The following CCDC171 variants were observed in gnomAD, a reference collection of about 807,000 sequenced individuals.
CCDC171 encodes the protein coiled-coil domain-containing protein 171.
Under a neutral mutation model 168.2 loss-of-function variants are expected in CCDC171, and 177 were observed. The ratio of observed to expected loss-of-function variants is 1.05; its 90% CI spans 0.93 to 1.19. CCDC171 has a LOEUF of 1.19. Among genes scored for constraint, CCDC171 ranks in the 50% most tolerant of loss-of-function variants. The pLI is 0.00. For missense variants in CCDC171, 1,991 were observed against 1,539.0 expected (o/e 1.29, Z -4.91); for synonymous variants, 687 against 540.8 (o/e 1.27, Z -3.75).
chr9:15,989,095 T>C (rs2132899553), intron 3 of CCDC171, among the ~76,000 whole-genome samples: 1 of 152,268 alleles, frequency 6.6e-6, no homozygotes, highest in African/African-American at 2.4e-5. Context: ...TCTCCCAGCA[T>C]GGAGTTTGAG....
intron 3 of CCDC171, among the ~76,000 whole-genome samples, chr9:15,994,164 T>A (rs1372019797): frequency 6.6e-6 from 1 of 152,080 alleles, no homozygotes; most frequent in Admixed American, 6.5e-5. Context: ...ATAATCGCAA[T>A]AGCAAAGACT....
the CCDC171 span, among the ~76,000 whole-genome samples, chr9:16,079,595 G>A: frequency 2.6e-5 from 4 of 152,198 alleles, no homozygotes; most frequent in Admixed American, 1.3e-4. Context: ...ACCAGAAGCC[G>A]GGAGAGAGGC....
At chr9:15,864,832 A>C (rs1032594676) in intron 23 of CCDC171, among the ~76,000 whole-genome samples, 1 of 152,070 alleles carries the variant, frequency 6.6e-6, no homozygotes, top group Non-Finnish European at 1.5e-5. Flanking sequence ...GGTAAAATTG[A>C]AATGTGAAGA....
intron 11 of CCDC171, among the ~76,000 whole-genome samples, chr9:15,709,727 T>C (rs1268046639): frequency 6.6e-6 from 1 of 152,148 alleles, no homozygotes; most frequent in Non-Finnish European, 1.5e-5. Flanking sequence ...ATATGTATAA[T>C]GAACATGTTT....
intron 24 of CCDC171, among the ~76,000 whole-genome samples, chr9:15,912,157 G>A (rs1823757339): frequency 6.6e-6 from 1 of 152,110 alleles, no homozygotes; most frequent in African/African-American, 2.4e-5. Context: ...CCATTTTCAT[G>A]GTATTGATTC....
At chr9:15,697,410 C>G (rs376182304) in intron 11 of CCDC171, among the ~76,000 whole-genome samples, 1 of 152,226 alleles carries the variant, frequency 6.6e-6, no homozygotes, top group Non-Finnish European at 1.5e-5. Flanking sequence ...CGTCATTAAA[C>G]TATCTTGCTG....
Position 16,037,791 on chromosome 9 carries a change from C to T in CCDC171, n.1181+1585C>T, listed in dbSNP as rs1271493854. 2.0e-5 allele frequency among the ~76,000 whole-genome samples: 3 copies of T among 151,658 alleles called. No homozygotes were observed. In the East Asian group the frequency reaches 5.8e-4, roughly 29 times the overall value. On this transcript the variant is annotated intron_variant and non_coding_transcript_variant, in intron 8 of 9. Coordinates refer to the CCDC171 transcript ENST00000486641. ...TCCAATTCAGAATGCATCACAAAAA[C>T]GTAAACATGTGAGGGAGTAACTAAA...
At chr9:15,601,378 C>T (rs1170060543) in intron 6 of CCDC171, among the ~76,000 whole-genome samples, 1 of 152,154 alleles carries the variant, frequency 6.6e-6, no homozygotes, top group African/African-American at 2.4e-5. Context: ...GAAACCACAG[C>T]TTTTCCAAAC....
intron 3 of CCDC171, among the ~76,000 whole-genome samples, chr9:16,006,437 T>A (rs1332714821): frequency 2.0e-5 from 3 of 152,216 alleles, no homozygotes; most frequent in Admixed American, 2.0e-4. Context: ...TTTCTTTTCT[T>A]TTTATTATTA....
intron 18 of CCDC171, among the ~76,000 whole-genome samples, chr9:15,766,901 A>G (rs1221863765): frequency 6.6e-6 from 1 of 152,096 alleles, no homozygotes; most frequent in African/African-American, 2.4e-5. Context: ...GCCTCAAGCA[A>G]TCCTTTTGCC....
chr9:16,030,359 A>ACC (rs1358496561), intron 6 of CCDC171, among the ~76,000 whole-genome samples: 1 of 152,164 alleles, frequency 6.6e-6, no homozygotes, highest in East Asian at 1.9e-4. Context: ...TGAATAGATA[A>ACC]ATGTACAGAT....
At chr9:16,085,311 A>G in the CCDC171 span, among the ~76,000 whole-genome samples, 1 of 152,254 alleles carries the variant, frequency 6.6e-6, no homozygotes, top group Non-Finnish European at 1.5e-5. Flanking sequence ...GTAGAGTCTT[A>G]CGACACTGTT....
chr9:15,631,748 G>C (rs911958501), intron 7 of CCDC171, among the ~76,000 whole-genome samples: 1 of 152,190 alleles, frequency 6.6e-6, no homozygotes, highest in South Asian at 2.1e-4. Context: ...TATCCTTGAT[G>C]AAGATTGATG....
At chr9:15,828,077 T>G (rs921855550) in intron 21 of CCDC171, among the ~76,000 whole-genome samples, 31 of 152,296 alleles carry the variant, frequency 2.0e-4, no homozygotes, top group Middle Eastern at 6.8e-3. Context: ...CACTGTAAGA[T>G]TAATAGTACT....
intron 21 of CCDC171, among the ~76,000 whole-genome samples, chr9:15,844,211 T>G (rs2060804823): frequency 1.3e-5 from 2 of 151,948 alleles, no homozygotes; most frequent in Admixed American, 6.6e-5. Context: ...TCCATAAAGT[T>G]TATCATGGGT....
intron 24 of CCDC171, among the ~76,000 whole-genome samples, chr9:15,901,895 T>C (rs1329203570): frequency 6.6e-6 from 1 of 152,214 alleles, no homozygotes; most frequent in Non-Finnish European, 1.5e-5. Context: ...GTCTTTATAA[T>C]AGTTTATAAT....
chr9:15,946,334 A>T (rs943333284), intron 25 of CCDC171, among the ~76,000 whole-genome samples: 19 of 152,000 alleles, frequency 1.3e-4, no homozygotes, highest in African/African-American at 3.9e-4. Flanking sequence ...TCAGGATACA[A>T]AATCAATGTG....
chr9:15,833,666 A>C (rs1208016140), intron 21 of CCDC171, among the ~76,000 whole-genome samples: 1 of 152,206 alleles, frequency 6.6e-6, no homozygotes, highest in African/African-American at 2.4e-5. Flanking sequence ...ATAAACCTCC[A>C]ATGTGGAGGC....
At chr9:15,771,170 C>CTG (rs1365093735) in intron 18 of CCDC171, among the ~76,000 whole-genome samples, 12 of 151,890 alleles carry the variant, frequency 7.9e-5, no homozygotes, top group Non-Finnish European at 1.8e-4. Context: ...ATCAGCCATA[C>CTG]TATAGTTAAT....
Sources: allele counts gnomAD v4.1 joint callset (sites outside exome capture counted in the v4.1 genomes callset), GRCh38; gene constraint gnomAD v4.1.1; transcripts MANE v1.5; gene names NCBI Gene and HGNC (gene_info 2026-07-23, HGNC 2026-07-21).